Variants in SDK1 observed in about 807,000 individuals in gnomAD.
The protein encoded by SDK1 is protein sidekick-1.
Under a neutral mutation model 245.5 loss-of-function variants are expected in SDK1, and 157 were observed. That is an observed-to-expected ratio of 0.64 (90% CI 0.56 to 0.73). The LOEUF is 0.73. Among genes scored for constraint, SDK1 ranks in the 30% least tolerant of loss-of-function variants. The pLI is 0.00. For synonymous variants in SDK1, 1,647 were observed against 1,278.5 expected (o/e 1.29, Z -6.15); for missense variants, 3,583 against 3,002.3 (o/e 1.19, Z -4.52).
intron 5 of SDK1, among the ~76,000 whole-genome samples, chr7:3,925,447 C>T (rs939719719): frequency 2.6e-5 from 4 of 152,198 alleles, no homozygotes; most frequent in Admixed American, 1.3e-4. Flanking sequence ...AAAGCGACGG[C>T]GTTTCTACCC....
chr7:4,072,880 G>T (rs536491281), intron 20 of SDK1, among the ~76,000 whole-genome samples: 1 of 152,350 alleles, frequency 6.6e-6, no homozygotes, highest in East Asian at 1.9e-4. Context: ...TGAGAGGGAA[G>T]CACGGAGTAG....
chr7:3,718,347 A>C (rs1257178709), intron 4 of SDK1, among the ~76,000 whole-genome samples: 1 of 151,732 alleles, frequency 6.6e-6, no homozygotes, highest in African/African-American at 2.4e-5. Context: ...AAAAATAATA[A>C]AAATAATAAA....
At chr7:3,541,230 TA>T (rs1407287018) in intron 1 of SDK1, among the ~76,000 whole-genome samples, 1 of 152,242 alleles carries the variant, frequency 6.6e-6, no homozygotes, top group Non-Finnish European at 1.5e-5. Flanking sequence ...CGAGAGTTTA[TA>T]AGTCATTGTA....
chr7:4,052,908 G>C (rs972213469), intron 19 of SDK1, among the ~76,000 whole-genome samples: 1 of 151,840 alleles, frequency 6.6e-6, no homozygotes, highest in African/African-American at 2.4e-5. Context: ...CCAAGATGGT[G>C]AAACCCCGTC....
chr7:3,851,810 A>G (rs962495825), intron 5 of SDK1, among the ~76,000 whole-genome samples: 1 of 152,224 alleles, frequency 6.6e-6, no homozygotes. Flanking sequence ...ATAGCTTCAG[A>G]CATCCCTAGA....
intron 1 of SDK1, among the ~76,000 whole-genome samples, chr7:3,317,344 A>G (rs1282600693): frequency 6.6e-6 from 1 of 152,180 alleles, no homozygotes; most frequent in Non-Finnish European, 1.5e-5. Context: ...TATATTGCAC[A>G]TTTAATTACA....
intron 4 of SDK1, among the ~76,000 whole-genome samples, chr7:3,659,013 G>A (rs1018671950): frequency 6.6e-6 from 1 of 151,966 alleles, no homozygotes; most frequent in South Asian, 2.1e-4. Context: ...CTCAGGCCTG[G>A]CAACCACACA....
At chr7:3,468,757 T>C (rs188189772) in intron 1 of SDK1, among the ~76,000 whole-genome samples, 1 of 152,298 alleles carries the variant, frequency 6.6e-6, no homozygotes, top group African/African-American at 2.4e-5. Context: ...GTGTTGTCCG[T>C]ATTTTGTTAA....
intron 4 of SDK1, among the ~76,000 whole-genome samples, chr7:3,662,431 A>G (rs1027565630): frequency 3.3e-5 from 5 of 152,168 alleles, no homozygotes; most frequent in African/African-American, 1.2e-4. Flanking sequence ...ATTAGTCCTG[A>G]AAGTGGGAAA....
At chr7:3,960,728 C>G (rs868304063) in intron 8 of SDK1, among the ~76,000 whole-genome samples, 1 of 152,156 alleles carries the variant, frequency 6.6e-6, no homozygotes, top group Non-Finnish European at 1.5e-5. Context: ...TGTTCCAGCT[C>G]TACTGATTCG....
At chr7:3,550,222 A>T (rs1055205334) in intron 1 of SDK1, among the ~76,000 whole-genome samples, 5 of 152,144 alleles carry the variant, frequency 3.3e-5, no homozygotes, top group Non-Finnish European at 5.9e-5. Context: ...ATTATAAAGG[A>T]TTTCTTAAAG....
chr7:3,613,420 T>TG (rs1409676728), intron 1 of SDK1, among the ~76,000 whole-genome samples: 5 of 152,216 alleles, frequency 3.3e-5, no homozygotes, highest in African/African-American at 1.2e-4. Context: ...AAAATTATGA[T>TG]GTTGTGTAAG....
intron 44 of SDK1, among the ~76,000 whole-genome samples, chr7:4,256,721 C>T (rs939931763): frequency 6.6e-6 from 1 of 152,168 alleles, no homozygotes; most frequent in African/African-American, 2.4e-5. Flanking sequence ...TGGTGAAAGC[C>T]GTGGACAGAG....
intron 4 of SDK1, among the ~76,000 whole-genome samples, chr7:3,744,273 C>A (rs945342324): frequency 6.6e-6 from 1 of 152,048 alleles, no homozygotes; most frequent in Non-Finnish European, 1.5e-5. Flanking sequence ...GAACCCCTTA[C>A]GATACTTTGA....
At chr7:3,884,271 A>G (rs918184578) in intron 5 of SDK1, among the ~76,000 whole-genome samples, 2 of 151,772 alleles carry the variant, frequency 1.3e-5, no homozygotes, top group African/African-American at 4.8e-5. Context: ...TAGCTTTTTG[A>G]TGGCTGTGCA....
In SDK1 at chr7:3,420,840, C is replaced by T. The variant is rs186033319; in HGVS notation, c.298+118956C>T. 4.3e-3 allele frequency among the ~76,000 whole-genome samples: 648 copies of T among 152,166 alleles called. 8 individuals carry two copies. Among genetic ancestry groups the T allele is most frequent in the South Asian group, 0.019 (89 of 4,808 alleles). ...CATGTACCATGGTGGTTTGCTGCAC[C>T]GATTAACCCATCACCAAGTATTAAA... On this transcript the variant is annotated intron_variant, in intron 1 of 44. Coordinates refer to ENST00000404826, the MANE Select transcript of SDK1 (RefSeq NM_152744.4).
At chr7:3,529,548 TTTGTTG>T (rs563162258) in intron 1 of SDK1, among the ~76,000 whole-genome samples, 43 of 151,506 alleles carry the variant, frequency 2.8e-4, no homozygotes, top group East Asian at 7.8e-4. Context: ...AGAAGCAAAG[TTTGTTG>T]TTGTTGTTGT....
At chr7:3,891,516 C>G (rs1781457503) in intron 5 of SDK1, among the ~76,000 whole-genome samples, 1 of 152,152 alleles carries the variant, frequency 6.6e-6, no homozygotes, top group East Asian at 1.9e-4. Flanking sequence ...CGATTTGTCC[C>G]TTTTGAAGCT....
At chr7:3,608,025 C>T (rs542320277) in intron 1 of SDK1, among the ~76,000 whole-genome samples, 14 of 152,268 alleles carry the variant, frequency 9.2e-5, no homozygotes, top group South Asian at 6.2e-4. Flanking sequence ...CTTTTGGCAA[C>T]GATTTAAAAG....
Sources: allele counts gnomAD v4.1 joint callset (sites outside exome capture counted in the v4.1 genomes callset), GRCh38; gene constraint gnomAD v4.1.1; transcripts MANE v1.5; gene names NCBI Gene and HGNC (gene_info 2026-07-23, HGNC 2026-07-21).